The following MACROD2 variants were observed in gnomAD, a reference collection of about 807,000 sequenced individuals.
The protein encoded by MACROD2 is mono-ADP ribosylhydrolase 2.
In MACROD2, 36 loss-of-function variants were observed where a neutral mutation model predicts 70.4. The observed-to-expected ratio is 0.51, with a 90% CI of 0.39 to 0.68. The LOEUF (loss-of-function observed/expected upper bound fraction) is 0.68, where lower values mean the gene tolerates loss of function less well. Among genes scored for constraint, MACROD2 ranks in the 30% least tolerant of loss-of-function variants. The pLI is 0.00. For missense variants in MACROD2, 496 were observed against 538.4 expected, an observed-to-expected ratio of 0.92 and a Z score of 0.78; for synonymous variants, 172 against 178.8, an observed-to-expected ratio of 0.96 and a Z score of 0.30.
intron 4 of MACROD2, among the ~76,000 whole-genome samples, chr20:14,598,952 A>G (rs1031833198): frequency 3.3e-5 from 5 of 152,130 alleles, no homozygotes; most frequent in Non-Finnish European, 7.4e-5. Context: ...ATAAGATAAG[A>G]TTTGGATATT....
intron 6 of MACROD2, among the ~76,000 whole-genome samples, chr20:15,263,523 G>A (rs988586082): frequency 2.6e-5 from 4 of 151,716 alleles, no homozygotes; most frequent in African/African-American, 9.7e-5. Flanking sequence ...GGTCTTTTTT[G>A]GTTCTATATA....
intron 3 of MACROD2, among the ~76,000 whole-genome samples, chr20:14,289,609 G>T (rs1004473153): frequency 6.6e-6 from 1 of 152,176 alleles, no homozygotes; most frequent in Admixed American, 6.5e-5. Flanking sequence ...TGGCATGATC[G>T]CAGCTTACTG....
At chr20:14,056,553 T>C (rs1461392253) in intron 2 of MACROD2, among the ~76,000 whole-genome samples, 2 of 152,066 alleles carry the variant, frequency 1.3e-5, no homozygotes, top group Non-Finnish European at 2.9e-5. Flanking sequence ...TGTTATTTTC[T>C]AGATTTTCAA....
chr20:15,824,517 C>T (rs1010164656), intron 8 of MACROD2, among the ~76,000 whole-genome samples: 3 of 152,062 alleles, frequency 2.0e-5, no homozygotes, highest in Non-Finnish European at 4.4e-5. Flanking sequence ...ATTTTTTCTT[C>T]ACCCTTTATG....
chr20:14,209,984 AAAG>A (rs1314393369), intron 3 of MACROD2, among the ~76,000 whole-genome samples: 1 of 152,208 alleles, frequency 6.6e-6, no homozygotes. Flanking sequence ...ATTTTGAAAA[AAAG>A]AAAAAGTTGG....
At chr20:14,840,907 T>C (rs902752615) in intron 5 of MACROD2, among the ~76,000 whole-genome samples, 1 of 152,124 alleles carries the variant, frequency 6.6e-6, no homozygotes, top group Non-Finnish European at 1.5e-5. Flanking sequence ...CACTCTGAAA[T>C]AAGTCAGAGT....
chr20:15,615,426 G>T (rs1204939909), intron 8 of MACROD2, among the ~76,000 whole-genome samples: 5 of 152,140 alleles, frequency 3.3e-5, no homozygotes, highest in Non-Finnish European at 7.3e-5. Flanking sequence ...GGTCACAAAA[G>T]GTATGTTGTC....
chr20:15,830,824 C>T (rs1241180518), intron 8 of MACROD2, among the ~76,000 whole-genome samples: 1 of 152,112 alleles, frequency 6.6e-6, no homozygotes. Context: ...ACAAAAAACA[C>T]CATACAAATT....
intron 8 of MACROD2, among the ~76,000 whole-genome samples, chr20:15,555,320 G>A (rs1033544527): frequency 6.6e-6 from 1 of 152,202 alleles, no homozygotes; most frequent in Non-Finnish European, 1.5e-5. Context: ...GGATTTGAAA[G>A]CTGTCCTGCT....
intron 8 of MACROD2, among the ~76,000 whole-genome samples, chr20:15,774,286 C>T (rs1304467377): frequency 6.6e-6 from 1 of 152,138 alleles, no homozygotes; most frequent in Non-Finnish European, 1.5e-5. Flanking sequence ...CTAAGCAGTT[C>T]AAGAGAGTTA....
chr20:14,844,521 A>C (rs1568828872), intron 5 of MACROD2, among the ~76,000 whole-genome samples: 1 of 152,004 alleles, frequency 6.6e-6, no homozygotes, highest in Non-Finnish European at 1.5e-5. Flanking sequence ...CATCTCAAAA[A>C]AATAAAAAAT....
chr20:15,113,196 AT>A (rs148089721), intron 5 of MACROD2, among the ~76,000 whole-genome samples: 11,433 of 151,940 alleles, frequency 0.075, 491 homozygotes, highest in Middle Eastern at 0.16. Flanking sequence ...AATGCAATAC[AT>A]TTTTTTTCCC....
At chr20:15,136,656 G>A (rs1355100458) in intron 5 of MACROD2, among the ~76,000 whole-genome samples, 2 of 151,818 alleles carry the variant, frequency 1.3e-5, no homozygotes, top group Non-Finnish European at 2.9e-5. Flanking sequence ...GCATGGGCAA[G>A]GACTTCATGT....
At chr20:15,080,609 CA>C (rs1235525225) in intron 5 of MACROD2, among the ~76,000 whole-genome samples, 1 of 152,064 alleles carries the variant, frequency 6.6e-6, no homozygotes, top group Non-Finnish European at 1.5e-5. Context: ...TGACATTAAC[CA>C]GGTCTGTTCC....
chr20:14,893,490 A>G (rs1171468628), intron 5 of MACROD2: 1 of 152,158 alleles, frequency 6.6e-6, no homozygotes, highest in African/African-American at 2.4e-5. Context: ...TGTGATATGC[A>G]TACACGGCTT....
chr20:15,407,640 C>T lies in MACROD2; in HGVS notation c.541-23765C>T, dbSNP rs192969432. Among the ~76,000 whole-genome samples the T allele has an allele frequency of 2.8e-3, 427 of 152,280 alleles. 1 individual carries two copies. Among genetic ancestry groups the T allele is most frequent in the Non-Finnish European group, 5.0e-3 (342 of 68,026 alleles). On this transcript the variant is annotated intron_variant, in intron 6 of 17. Coordinates refer to ENST00000684519, the MANE Select transcript of MACROD2 (RefSeq NM_001351661.2). ...CGCTGGCCACATCCTGACTGCCACT[C>T]ACTAGGCACCCAGCCTCTCTGTGCC... is the stretch of plus-strand genomic sequence containing the variant.
chr20:15,587,332 G>A (rs2048616378), intron 8 of MACROD2, among the ~76,000 whole-genome samples: 1 of 152,140 alleles, frequency 6.6e-6, no homozygotes, highest in Admixed American at 6.5e-5. Context: ...CACAACACGT[G>A]GGAATTCTGA....
At chr20:14,757,722 G>C in intron 5 of MACROD2, 2 of 1,519,164 alleles carry the variant, frequency 1.3e-6, no homozygotes, top group South Asian at 1.1e-5. Flanking sequence ...CTCAAGTCCC[G>C]AGGCTACGTG....
At chr20:15,253,189 G>A (rs1008608044) in intron 6 of MACROD2, among the ~76,000 whole-genome samples, 9 of 152,186 alleles carry the variant, frequency 5.9e-5, no homozygotes, top group Non-Finnish European at 7.3e-5. Context: ...CCAGTGGGAT[G>A]TTGGGCTTCG....
Sources: gnomAD v4.1 joint callset for allele counts (sites outside exome capture counted in the v4.1 genomes callset) on GRCh38, gnomAD v4.1.1 for gene constraint, MANE v1.5 for transcripts, NCBI Gene and HGNC (gene_info 2026-07-23, HGNC 2026-07-21) for gene names.